The following SLC6A17 variants were observed in gnomAD, a reference collection of about 807,000 sequenced individuals.
SLC6A17 encodes the protein solute carrier family 6 member 17.
In SLC6A17, 21 loss-of-function variants were observed where a neutral mutation model predicts 64.5. That is an observed-to-expected ratio of 0.33 (90% CI 0.23 to 0.47). The LOEUF is 0.47. Ranked by LOEUF, SLC6A17 falls within the 20% of genes least tolerant of loss-of-function variation. The pLI, the probability that SLC6A17 is intolerant of heterozygous loss-of-function variation, is 1.00. For synonymous variants in SLC6A17, 372 were observed against 399.5 expected (o/e 0.93, Z 0.82); for missense variants, 682 against 963.2 (o/e 0.71, Z 3.86).
At chr1:110,197,943 G>T (rs1426430269) in intron 11 of SLC6A17, 133 bp from the exon 12 acceptor site, 3 of 1,444,866 alleles carry the variant, frequency 2.1e-6, no homozygotes, top group African/African-American at 2.8e-5. Flanking sequence ...ATCCTTGGCT[G>T]TGCCTGGCCA....
At chr1:110,182,267 A>G (rs200463080) in intron 6 of SLC6A17, among the ~76,000 whole-genome samples, 1 of 152,224 alleles carries the variant, frequency 6.6e-6, no homozygotes, top group East Asian at 1.9e-4. Context: ...TTACATGAGC[A>G]GTTGGAAGGA....
intron 2 of SLC6A17, 56 bp from the exon 3 acceptor site, chr1:110,172,004 C>G: frequency 6.3e-7 from 1 of 1,589,568 alleles, no homozygotes; most frequent in Non-Finnish European, 8.6e-7. Context: ...GGCCCCTTCC[C>G]TCACTCTGCT....
intron 6 of SLC6A17, among the ~76,000 whole-genome samples, chr1:110,186,457 A>AGG (rs1211654569): frequency 1.0e-3 from 100 of 95,884 alleles, no homozygotes; most frequent in African/African-American, 3.8e-3. Flanking sequence ...AAAAAAAAAA[A>AGG]AAAGGAAAGA....
intron 6 of SLC6A17, among the ~76,000 whole-genome samples, chr1:110,184,132 A>G (rs1656611951): frequency 6.6e-6 from 1 of 152,050 alleles, no homozygotes; most frequent in South Asian, 2.1e-4. Context: ...GTTTTTTTTG[A>G]CGGAGTCTCG....
At chr1:110,160,486 G>C (rs1168721594) in intron 1 of SLC6A17, among the ~76,000 whole-genome samples, 1 of 152,248 alleles carries the variant, frequency 6.6e-6, no homozygotes, top group Admixed American at 6.5e-5. Flanking sequence ...AGCAGTGAAG[G>C]GTGGGCACAA....
At chr1:110,170,495 A>G (rs1656192206) in intron 2 of SLC6A17, among the ~76,000 whole-genome samples, 1 of 152,304 alleles carries the variant, frequency 6.6e-6, no homozygotes, top group Admixed American at 6.5e-5. Context: ...AAATAAAAAC[A>G]AAAAACCGGT....
At chr1:110,158,963 GA>G (rs1655829580) in intron 1 of SLC6A17, among the ~76,000 whole-genome samples, 1 of 152,206 alleles carries the variant, frequency 6.6e-6, no homozygotes, top group African/African-American at 2.4e-5. Context: ...GTAAGTTCAA[GA>G]AAGTGCCAGC....
intron 10 of SLC6A17, 23 bp from the exon 11 acceptor site, chr1:110,197,414 G>A (rs945095295): frequency 6.3e-7 from 1 of 1,598,086 alleles, no homozygotes. Context: ...GCCAACTGCT[G>A]GACCCTCTGC....
At chr1:110,187,107 T>G (rs1203495163) in intron 6 of SLC6A17, among the ~76,000 whole-genome samples, 2 of 143,410 alleles carry the variant, frequency 1.4e-5, no homozygotes, top group African/African-American at 5.0e-5. Context: ...ACCAGAGCTG[T>G]GTTCATCTTG....
intron 6 of SLC6A17, among the ~76,000 whole-genome samples, chr1:110,186,614 G>A (rs998645664): frequency 2.6e-5 from 4 of 152,064 alleles, no homozygotes; most frequent in African/African-American, 9.7e-5. Flanking sequence ...CCCTTGTCTG[G>A]TCCCTCCTGC....
chr1:110,179,420 A>T (rs939037251), intron 6 of SLC6A17, among the ~76,000 whole-genome samples: 2 of 152,128 alleles, frequency 1.3e-5, no homozygotes, highest in Admixed American at 1.3e-4. Flanking sequence ...GTTGTTCCAC[A>T]TTTGTCAGTC....
At chr1:110,180,628 G>C (rs922899123) in intron 6 of SLC6A17, among the ~76,000 whole-genome samples, 1 of 152,164 alleles carries the variant, frequency 6.6e-6, no homozygotes, top group Non-Finnish European at 1.5e-5. Context: ...GCAAACTACT[G>C]TTGCAGAGCT....
rs572816333 is a variant in SLC6A17 at position 110,175,111 on chromosome 1, T to C, written c.753+151T>C. On this transcript the variant is annotated intron_variant, in intron 5 of 11. Coordinates refer to ENST00000331565, the MANE Select transcript of SLC6A17 (RefSeq NM_001010898.4). Reference sequence around the variant, plus strand: ...GGAGGGTGTGGAAGTATCATTCCTATAGTGTTGCTCACCATGGACAGCCTA... The same window carrying C: ...GGAGGGTGTGGAAGTATCATTCCTACAGTGTTGCTCACCATGGACAGCCTA... The C allele has an allele frequency of 4.2e-4, 446 of 1,054,740 alleles. 9 individuals carry two copies. The South Asian group carries it at 7.2e-3, about 17-fold the overall frequency. 65.3% of individuals were successfully genotyped at this position (1,054,740 alleles called of 1,614,324 possible). A position where few individuals can be genotyped will look rare whatever the true frequency, so the allele number is the denominator to read the frequency against.
intron 1 of SLC6A17, among the ~76,000 whole-genome samples, chr1:110,157,430 G>A (rs190155001): frequency 1.6e-4 from 25 of 152,088 alleles, no homozygotes; most frequent in African/African-American, 5.8e-4. Context: ...AAAATTAGCC[G>A]GGTGTGCTGG....
chr1:110,191,484 A>G (rs1319289953), intron 6 of SLC6A17, among the ~76,000 whole-genome samples: 1 of 151,922 alleles, frequency 6.6e-6, no homozygotes, highest in African/African-American at 2.4e-5. Context: ...TTTTCCTTTC[A>G]TGAGGTAGAG....
intron 6 of SLC6A17, among the ~76,000 whole-genome samples, chr1:110,190,435 T>C (rs1477487559): frequency 6.6e-6 from 1 of 152,192 alleles, no homozygotes; most frequent in Non-Finnish European, 1.5e-5. Context: ...CTCACTGCTC[T>C]GCCAGCGCTC....
Position 110,192,546 on chromosome 1 carries a change from C to G in SLC6A17, c.1147C>G (p.Leu383Val). ...KILGYLNTNV[L>V]SRDLIPPHVN... ...CCTAGGGTACCTTAACACCAACGTC[C>G]TGAGCCGGGACCTCATCCCACCCCA... The change falls in exon 8 of 12, where the codon CTG (leucine) becomes GTG (valine). Residue 383 changes from leucine to valine, a missense_variant. Around this residue, in one of 3 missense-constraint regions of SLC6A17, gnomAD observed 415 missense variants for 603.8 expected, o/e 0.69. Coordinates refer to ENST00000331565, the MANE Select transcript of SLC6A17 (RefSeq NM_001010898.4). This position sits in a 1 kb window ranked among gnomAD's most constrained non-coding sequence, Gnocchi z 4.3. 2 of 1,614,158 alleles carry G rather than the reference C, an allele frequency of 1.2e-6. No homozygotes were observed. The highest frequency in any genetic ancestry group is 3.3e-4 in the Middle Eastern group (2 of 6,062).
chr1:110,183,015 C>G (rs1013588413), intron 6 of SLC6A17, among the ~76,000 whole-genome samples: 1 of 152,130 alleles, frequency 6.6e-6, no homozygotes, highest in Non-Finnish European at 1.5e-5. Context: ...CCATCATACA[C>G]CACTGGTGGG....
Position 110,200,146 on chromosome 1 carries a change from C to A in SLC6A17, c.*1702C>A. The stretch of plus-strand genomic sequence containing the variant: ...TGCTCTTAGGACCTGGAGGGACAGA[C>A]CAGAATCAGGGTCCCCTCCTTTACC... On this transcript the variant is annotated 3_prime_UTR_variant, in exon 12 of 12. Coordinates refer to ENST00000331565, the MANE Select transcript of SLC6A17 (RefSeq NM_001010898.4). 2.5e-6 allele frequency: 1 copy of A among 398,506 alleles called. No homozygotes were observed. Among genetic ancestry groups the A allele is most frequent in the East Asian group, 3.6e-5 (1 of 28,064 alleles). The allele number at this position is 398,506 out of a possible 1,614,324, so 24.7% of individuals were successfully genotyped here.
Sources: allele counts gnomAD v4.1 joint callset (sites outside exome capture counted in the v4.1 genomes callset), GRCh38; gene constraint gnomAD v4.1.1; regional missense constraint gnomAD v4.1.1; non-coding constraint Gnocchi (gnomAD v3.1); transcripts MANE v1.5; gene names NCBI Gene and HGNC (gene_info 2026-07-23, HGNC 2026-07-21).